Variants in TMTC2 observed in about 807,000 individuals in gnomAD.
The protein encoded by TMTC2 is transmembrane O-mannosyltransferase targeting cadherins 2.
In TMTC2, 43 loss-of-function variants were observed where a neutral mutation model predicts 82.4. The observed-to-expected ratio is 0.52, with a 90% CI of 0.41 to 0.67. The LOEUF (loss-of-function observed/expected upper bound fraction) is 0.67. TMTC2 is among the 30% of genes least tolerant of loss of function. TMTC2 has a pLI of 0.00. For missense variants in TMTC2, 919 were observed against 1,012.4 expected, an observed-to-expected ratio of 0.91 and a Z score of 1.25; for synonymous variants, 408 against 381.9, an observed-to-expected ratio of 1.07 and a Z score of -0.80.
chr12:82,740,111 G>A (rs7303918), intron 1 of TMTC2, among the ~76,000 whole-genome samples: 150,561 of 152,234 alleles, frequency 0.99, 74,473 homozygotes, highest in East Asian at 1. Flanking sequence ...ATCCTCTGCT[G>A]TTAATGAAAA....
intron 4 of TMTC2, among the ~76,000 whole-genome samples, chr12:82,935,458 G>A (rs1876266307): frequency 6.6e-6 from 1 of 152,214 alleles, no homozygotes; most frequent in African/African-American, 2.4e-5. Context: ...GTCTTTTCAT[G>A]TATAATACAT....
chr12:82,861,411 G>A (rs1192946787), intron 2 of TMTC2, among the ~76,000 whole-genome samples: 3 of 152,130 alleles, frequency 2.0e-5, no homozygotes, highest in African/African-American at 7.2e-5. Context: ...TCTGAGAATG[G>A]GAGTTTATAT....
In TMTC2 at chr12:82,866,321, T is replaced by G. The variant is rs577925637; in HGVS notation, c.654+8741T>G. Among the ~76,000 whole-genome samples, 257 of 151,742 alleles carry G rather than the reference T, an allele frequency of 1.7e-3. 2 individuals are homozygous for G. Among genetic ancestry groups the G allele is most frequent in the African/African-American group, 5.7e-3 (237 of 41,358 alleles). ...CCAACCTTGATGAACAATGTTCAGATATTACTGTGAATGGCTACAAGTACA... is the reference window on the plus strand; with the variant it reads ...CCAACCTTGATGAACAATGTTCAGAGATTACTGTGAATGGCTACAAGTACA... On this transcript the variant is annotated intron_variant, in intron 2 of 11. Transcript: ENST00000321196.
intron 1 of TMTC2, among the ~76,000 whole-genome samples, chr12:82,726,174 A>G (rs1874436718): frequency 6.6e-6 from 1 of 152,198 alleles, no homozygotes; most frequent in South Asian, 2.1e-4. Context: ...AAGCCGTGAT[A>G]TATAGGGTGA....
At chr12:82,936,170 A>G (rs1052672475) in intron 4 of TMTC2, among the ~76,000 whole-genome samples, 2 of 152,118 alleles carry the variant, frequency 1.3e-5, no homozygotes, top group Non-Finnish European at 1.5e-5. Context: ...TATTGGCCCA[A>G]GAAAAGATGG....
chr12:82,705,636 T>C (rs1873318045), intron 1 of TMTC2, among the ~76,000 whole-genome samples: 1 of 152,244 alleles, frequency 6.6e-6, no homozygotes, highest in South Asian at 2.1e-4. Flanking sequence ...AAATAGGCAT[T>C]GGCCTTTGAT....
chr12:83,086,538 C>A (rs942825988), intron 11 of TMTC2, among the ~76,000 whole-genome samples: 3 of 152,158 alleles, frequency 2.0e-5, no homozygotes, highest in Admixed American at 1.3e-4. Flanking sequence ...TCAGTTTCCT[C>A]ATCTGTCCAG....
intron 9 of TMTC2, among the ~76,000 whole-genome samples, chr12:83,034,379 A>G (rs151025287): frequency 6.6e-5 from 10 of 152,332 alleles, no homozygotes; most frequent in African/African-American, 1.7e-4. Context: ...AAAAAAACCT[A>G]ATGTGACTGG....
At chr12:82,778,657 G>A (rs1315182039) in intron 1 of TMTC2, among the ~76,000 whole-genome samples, 3 of 151,862 alleles carry the variant, frequency 2.0e-5, no homozygotes, top group Admixed American at 6.6e-5. Context: ...AGACCATCCC[G>A]GCTAAAACGG....
chr12:82,702,876 G>A (rs904919988), intron 1 of TMTC2, among the ~76,000 whole-genome samples: 3 of 152,132 alleles, frequency 2.0e-5, no homozygotes, highest in Non-Finnish European at 4.4e-5. Context: ...GTTGGGCAGG[G>A]TGGTGCACAC....
At chr12:83,109,309 A>G (rs1324104194) in intron 11 of TMTC2, among the ~76,000 whole-genome samples, 1 of 152,138 alleles carries the variant, frequency 6.6e-6, no homozygotes, top group Non-Finnish European at 1.5e-5. Flanking sequence ...ATTTCACAAG[A>G]ACACACTCAC....
intron 1 of TMTC2, among the ~76,000 whole-genome samples, chr12:82,808,552 T>C (rs1026564682): frequency 6.6e-6 from 1 of 152,092 alleles, no homozygotes; most frequent in Admixed American, 6.6e-5. Flanking sequence ...TCAAGAATTA[T>C]AAACCCTTAC....
intron 1 of TMTC2, among the ~76,000 whole-genome samples, chr12:82,745,200 G>A (rs1228915235): frequency 1.3e-5 from 2 of 151,808 alleles, no homozygotes; most frequent in Admixed American, 1.3e-4. Flanking sequence ...GCAGAACTCA[G>A]GCAACCCCAA....
chr12:83,117,125 A>G (rs545616930), intron 11 of TMTC2, among the ~76,000 whole-genome samples: 4 of 152,168 alleles, frequency 2.6e-5, no homozygotes, highest in Non-Finnish European at 5.9e-5. Context: ...TTGAGGATCC[A>G]GTTTTATTCT....
intron 1 of TMTC2, among the ~76,000 whole-genome samples, chr12:82,805,089 A>G (rs1879181164): frequency 6.6e-6 from 1 of 152,112 alleles, no homozygotes; most frequent in African/African-American, 2.4e-5. Flanking sequence ...CTGGAACAGG[A>G]CCTCACATTC....
chr12:82,989,656 C>A (rs1879318299), intron 8 of TMTC2, among the ~76,000 whole-genome samples: 1 of 151,410 alleles, frequency 6.6e-6, no homozygotes, highest in South Asian at 2.1e-4. Flanking sequence ...GATATAGAAA[C>A]CATGTGACCT....
At chr12:82,714,372 T>G (rs1873796759) in intron 1 of TMTC2, among the ~76,000 whole-genome samples, 1 of 152,242 alleles carries the variant, frequency 6.6e-6, no homozygotes, top group African/African-American at 2.4e-5. Flanking sequence ...TATATTTAAT[T>G]TTAGGTGTTT....
chr12:82,917,886 C>A (rs964615725), intron 3 of TMTC2, among the ~76,000 whole-genome samples: 2 of 151,370 alleles, frequency 1.3e-5, no homozygotes, highest in African/African-American at 4.9e-5. Flanking sequence ...CAGGCGTGAG[C>A]CACTGCTCCC....
intron 1 of TMTC2, among the ~76,000 whole-genome samples, chr12:82,796,850 C>G (rs1162943196): frequency 2.4e-4 from 36 of 152,034 alleles, no homozygotes; most frequent in Non-Finnish European, 2.9e-5. Flanking sequence ...GTCACTCAAC[C>G]CCTCTAAGCC....
Sources: gnomAD v4.1 joint callset for allele counts (sites outside exome capture counted in the v4.1 genomes callset) on GRCh38, gnomAD v4.1.1 for gene constraint, MANE v1.5 for transcripts, NCBI Gene and HGNC (gene_info 2026-07-23, HGNC 2026-07-21) for gene names.